The following SH3BGRL variants were observed in gnomAD, a reference collection of about 807,000 sequenced individuals.
The protein encoded by SH3BGRL is SH3 domain binding glutamate rich protein like, also known as adapter SH3BGRL.
A neutral mutation model predicts 9.8 loss-of-function variants in SH3BGRL; 7 were observed. The ratio of observed to expected loss-of-function variants is 0.72; its 90% CI spans 0.41 to 1.35. The LOEUF (loss-of-function observed/expected upper bound fraction) is 1.35. Ranked by LOEUF, SH3BGRL falls within the 40% of genes most tolerant of loss-of-function variation. The pLI is 0.01. For missense variants in SH3BGRL, 73 were observed against 84.4 expected, an observed-to-expected ratio of 0.86 and a Z score of 0.53; for synonymous variants, 36 against 29.1, an observed-to-expected ratio of 1.24 and a Z score of -0.76.
At chrX:81,215,878 A>G (rs1159031396) in intron 1 of SH3BGRL, among the ~76,000 whole-genome samples, 1 of 111,830 alleles carries the variant, frequency 8.9e-6, no homozygotes, top group African/African-American at 3.2e-5. Flanking sequence ...CCACAAAGAC[A>G]TTACTATTAT....
intron 1 of SH3BGRL, among the ~76,000 whole-genome samples, chrX:81,265,451 C>G (rs1406995316): frequency 9.0e-6 from 1 of 110,552 alleles, no homozygotes; most frequent in Non-Finnish European, 1.9e-5. Flanking sequence ...TGAGTGAGAA[C>G]ATGCGGTGTT....
intron 1 of SH3BGRL, among the ~76,000 whole-genome samples, chrX:81,205,456 ATG>A (rs1556071959): frequency 2.9e-5 from 3 of 103,468 alleles, no homozygotes; most frequent in African/African-American, 7.1e-5. Context: ...GTGTATATAT[ATG>A]TGTGTATATA....
rs2075805161 is a variant in SH3BGRL at position 81,278,378 on chromosome X, C to T, written c.279C>T (p.Ala93=). The T allele has an allele frequency of 8.4e-7, 1 of 1,196,525 alleles. No individual in the cohort carries two copies. Among genetic ancestry groups the T allele is most frequent in the African/African-American group, 1.7e-5 (1 of 57,313 alleles). ...CCAGAGAAAATAATGCAGTGTATGC[C>T]TTCTTAGGCTTGACAGCCCCACCTG... ...FEARENNAVY[A]FLGLTAPPGS... is the part of the protein sequence containing the mutation. The change falls in exon 3 of 4, where the codon GCC becomes GCT. Residue 93 remains alanine (A), a synonymous_variant. Coordinates refer to ENST00000373212, the MANE Select transcript of SH3BGRL (RefSeq NM_003022.3).
At chrX:81,288,607 A>T (rs776095741) in intron 3 of SH3BGRL, among the ~76,000 whole-genome samples, 1 of 112,622 alleles carries the variant, frequency 8.9e-6, no homozygotes, top group South Asian at 3.6e-4. Flanking sequence ...TGCAAAATCA[A>T]CATACAAAGT....
intron 3 of SH3BGRL, among the ~76,000 whole-genome samples, chrX:81,283,139 A>G (rs144407232): frequency 0.017 from 1,959 of 112,002 alleles, 46 homozygotes; most frequent in African/African-American, 0.059. Context: ...GATACATTTA[A>G]AAGACCAATA....
intron 1 of SH3BGRL, among the ~76,000 whole-genome samples, chrX:81,231,479 T>C (rs895187446): frequency 8.9e-6 from 1 of 112,492 alleles, no homozygotes; most frequent in Non-Finnish European, 1.9e-5. Context: ...TAGAATATCA[T>C]TTTGGATACT....
chrX:81,202,497 A>C, intron 1 of SH3BGRL: 1 of 976,159 alleles, frequency 1.0e-6, no homozygotes, highest in Non-Finnish European at 1.3e-6. Flanking sequence ...AGGAAAACGA[A>C]AGCTACCAAG....
chrX:81,287,560 C>A (rs2075839131), intron 3 of SH3BGRL, among the ~76,000 whole-genome samples: 2 of 111,401 alleles, frequency 1.8e-5, no homozygotes, highest in East Asian at 5.6e-4. Flanking sequence ...AATGCTAATA[C>A]CAAACACTGC....
chrX:81,289,051 C>G (rs959339195), intron 3 of SH3BGRL, among the ~76,000 whole-genome samples: 4 of 112,205 alleles, frequency 3.6e-5, no homozygotes, highest in Non-Finnish European at 5.6e-5. Context: ...CTAATCAAAA[C>G]AGCAAGGTAT....
intron 1 of SH3BGRL, among the ~76,000 whole-genome samples, chrX:81,248,357 GT>G (rs780209025): frequency 7.1e-5 from 8 of 112,291 alleles, no homozygotes; most frequent in African/African-American, 2.6e-4. Flanking sequence ...GAGACTCTTT[GT>G]AGAGGACCCT....
Position 81,298,058 on chromosome X carries a change from G to A in SH3BGRL, c.*831G>A, listed in dbSNP as rs1046535172. 2 of 111,798 alleles carry A rather than the reference G, an allele frequency of 1.8e-5. No homozygotes were observed. The highest frequency in any genetic ancestry group is 9.5e-5 in the Admixed American group (1 of 10,550). 9.2% of individuals were successfully genotyped at this position (111,798 alleles called of 1,213,427 possible). On this transcript the variant is annotated 3_prime_UTR_variant, in exon 4 of 4. Coordinates refer to ENST00000373212, the MANE Select transcript of SH3BGRL (RefSeq NM_003022.3). ...AATAACTCTTATAAAACAGGTTGGCGATCATTTCCCAAGATTGGTTTCCCT... is the reference window on the plus strand; with the variant it reads ...AATAACTCTTATAAAACAGGTTGGCAATCATTTCCCAAGATTGGTTTCCCT...
At chrX:81,222,183 T>G (rs1484263466) in intron 1 of SH3BGRL, among the ~76,000 whole-genome samples, 1 of 112,042 alleles carries the variant, frequency 8.9e-6, no homozygotes, top group Non-Finnish European at 1.9e-5. Context: ...ATTTAATTTT[T>G]TATTATACTT....
At chrX:81,238,295 A>G (rs1363750415) in intron 1 of SH3BGRL, among the ~76,000 whole-genome samples, 2 of 111,666 alleles carry the variant, frequency 1.8e-5, no homozygotes, top group Non-Finnish European at 3.8e-5. Flanking sequence ...GCCAGGCAAC[A>G]TTAACTACAA....
chrX:81,285,456 C>T (rs2075831341), intron 3 of SH3BGRL, among the ~76,000 whole-genome samples: 2 of 111,498 alleles, frequency 1.8e-5, no homozygotes, highest in African/African-American at 3.3e-5. Flanking sequence ...AATATTGGTA[C>T]TCCTTCACCC....
chrX:81,287,220 G>T lies in SH3BGRL; in HGVS notation c.312+8809G>T, dbSNP rs760160892. Among the ~76,000 whole-genome samples the T allele has an allele frequency of 1.7e-4, 19 of 111,634 alleles. No individual in the cohort carries two copies. The East Asian group carries it at 4.2e-3, about 25-fold the overall frequency. ...GTATTTTGAAAAGTTAAACAAAATT[G>T]ACAAACTTTTAGCCAGACTAAGAAA... On this transcript the variant is annotated intron_variant, in intron 3 of 3. Transcript: ENST00000373212.
chrX:81,266,690 C>T (rs1006734672), intron 1 of SH3BGRL, among the ~76,000 whole-genome samples: 1 of 111,703 alleles, frequency 9.0e-6, no homozygotes, highest in African/African-American at 3.3e-5. Flanking sequence ...GCTATGCGGG[C>T]TGTTTTTTGG....
intron 3 of SH3BGRL, among the ~76,000 whole-genome samples, chrX:81,295,631 G>A (rs1433337821): frequency 1.8e-5 from 2 of 111,512 alleles, no homozygotes; most frequent in African/African-American, 3.3e-5. Flanking sequence ...GGTTTGACAA[G>A]CTTGCCCTAA....
At chrX:81,264,050 C>T (rs1190958986) in intron 1 of SH3BGRL, among the ~76,000 whole-genome samples, 3 of 108,803 alleles carry the variant, frequency 2.8e-5, no homozygotes, top group Non-Finnish European at 5.7e-5. Flanking sequence ...GTTAGGACTT[C>T]GTTGAAGTCA....
chrX:81,256,329 TTTG>T (rs2075725301), intron 1 of SH3BGRL, among the ~76,000 whole-genome samples: 1 of 112,150 alleles, frequency 8.9e-6, no homozygotes, highest in Non-Finnish European at 1.9e-5. Flanking sequence ...CAGGATGTTC[TTTG>T]ATGGGAATTG....
Sources: allele counts gnomAD v4.1 joint callset (sites outside exome capture counted in the v4.1 genomes callset), GRCh38; gene constraint gnomAD v4.1.1; transcripts MANE v1.5; gene names NCBI Gene and HGNC (gene_info 2026-07-23, HGNC 2026-07-21).